MEIS1: variants seen among roughly 807,000 people sequenced by gnomAD.
MEIS1 encodes the protein homeobox protein Meis1.
Under a neutral mutation model 50.8 loss-of-function variants are expected in MEIS1, and 5 were observed. That is an observed-to-expected ratio of 0.10 (90% CI 0.05 to 0.21). The LOEUF (loss-of-function observed/expected upper bound fraction) is 0.21, where lower values mean the gene tolerates loss of function less well. MEIS1 is among the 10% of genes least tolerant of loss of function. The pLI is 1.00. For missense variants in MEIS1, 318 were observed against 517.3 expected, an observed-to-expected ratio of 0.61 and a Z score of 3.74; for synonymous variants, 176 against 179.3, an observed-to-expected ratio of 0.98 and a Z score of 0.15.
At chr2:66,477,886 A>C (rs112009966) in intron 7 of MEIS1, among the ~76,000 whole-genome samples, 3,145 of 152,342 alleles carry the variant, frequency 0.021, 41 homozygotes, top group Middle Eastern at 0.075. Flanking sequence ...ACTTAATAGA[A>C]TGCAGGATTA....
At chr2:66,536,742 G>T (rs1674528325) in intron 8 of MEIS1, among the ~76,000 whole-genome samples, 1 of 152,182 alleles carries the variant, frequency 6.6e-6, no homozygotes. Context: ...GGTGGAAAAT[G>T]TCTAAAACGA....
chr2:66,443,812 G>C (rs1252350368), intron 6 of MEIS1: 2 of 152,638 alleles, frequency 1.3e-5, no homozygotes, highest in Admixed American at 1.3e-4. Flanking sequence ...CCTGGGTAAG[G>C]AGTGTGGGGG....
chr2:66,563,330 T>C (rs989492633), intron 9 of MEIS1, among the ~76,000 whole-genome samples: 1 of 152,186 alleles, frequency 6.6e-6, no homozygotes, highest in East Asian at 1.9e-4. Flanking sequence ...TTTGTCATTC[T>C]TTTTTATATT....
At chr2:66,461,107 G>A (rs1193664718) in intron 6 of MEIS1, among the ~76,000 whole-genome samples, 1 of 152,102 alleles carries the variant, frequency 6.6e-6, no homozygotes, top group Non-Finnish European at 1.5e-5. Flanking sequence ...TTTATCTAAT[G>A]CCATGCATTC....
intron 8 of MEIS1, among the ~76,000 whole-genome samples, chr2:66,519,960 A>G (rs937469282): frequency 2.0e-5 from 3 of 152,058 alleles, no homozygotes; most frequent in Non-Finnish European, 4.4e-5. Context: ...TGTTTCCACA[A>G]TTACCTTTGT....
intron 8 of MEIS1, among the ~76,000 whole-genome samples, chr2:66,521,876 T>C (rs1337658845): frequency 6.6e-6 from 1 of 152,146 alleles, no homozygotes; most frequent in East Asian, 1.9e-4. Flanking sequence ...TACAAAGCAA[T>C]ACCTTTAATT....
chr2:66,481,374 G>A (rs570172391), intron 7 of MEIS1, among the ~76,000 whole-genome samples: 2 of 152,202 alleles, frequency 1.3e-5, no homozygotes, highest in East Asian at 1.9e-4. Context: ...GATGGATGAC[G>A]TGGCATTTCT....
chr2:66,563,848 G>C (rs531376841), intron 9 of MEIS1, among the ~76,000 whole-genome samples: 2 of 152,318 alleles, frequency 1.3e-5, no homozygotes, highest in African/African-American at 4.8e-5. Context: ...TCCAAAGAGA[G>C]AGGATGTATA....
chr2:66,508,491 A>T (rs1673739335), intron 7 of MEIS1, among the ~76,000 whole-genome samples: 1 of 152,216 alleles, frequency 6.6e-6, no homozygotes, highest in Non-Finnish European at 1.5e-5. Context: ...GCCCGGTCTC[A>T]TCAGAGCCCA....
At chr2:66,533,668 C>T (rs966628809) in intron 8 of MEIS1, among the ~76,000 whole-genome samples, 3 of 152,032 alleles carry the variant, frequency 2.0e-5, no homozygotes, top group Non-Finnish European at 4.4e-5. Flanking sequence ...GGACCCATTG[C>T]GTAATTTGTG....
intron 7 of MEIS1, among the ~76,000 whole-genome samples, chr2:66,495,721 G>A (rs1262178785): frequency 1.3e-5 from 2 of 152,188 alleles, no homozygotes; most frequent in Non-Finnish European, 2.9e-5. Flanking sequence ...GCAACACAGA[G>A]CCACTGAGCA....
At position 66,568,662 on chromosome 2, in the gene MEIS1, T is replaced by C. The variant is rs754386200; in HGVS notation, c.1025-5T>C. ...ATTAAAAAACCACATTCTGTACTTT[T>C]GTAGTAAGTCAAGGAACACCTTATA... is the stretch of plus-strand genomic sequence containing the variant. On this transcript the variant is annotated splice_polypyrimidine_tract_variant and splice_region_variant and intron_variant, in intron 10 of 12. Transcript: ENST00000272369. 3 of 1,612,498 alleles carry C rather than the reference T, an allele frequency of 1.9e-6. No individual in the cohort carries two copies. The highest frequency in any genetic ancestry group is 1.3e-5 in the African/African-American group (1 of 74,908).
At chr2:66,559,584 C>T (rs990042894) in intron 9 of MEIS1, among the ~76,000 whole-genome samples, 32 of 152,234 alleles carry the variant, frequency 2.1e-4, no homozygotes, top group Middle Eastern at 3.4e-3. Context: ...AAGAGAGACA[C>T]TTCTGTTCTT....
intron 6 of MEIS1, among the ~76,000 whole-genome samples, chr2:66,453,600 C>T (rs950517646): frequency 6.6e-5 from 10 of 151,858 alleles, no homozygotes; most frequent in African/African-American, 9.7e-5. Context: ...TGTCAGTGGG[C>T]TTAAAGATGC....
chr2:66,507,616 ACT>A (rs1673713979), intron 7 of MEIS1, among the ~76,000 whole-genome samples: 2 of 152,040 alleles, frequency 1.3e-5, no homozygotes, highest in South Asian at 4.2e-4. Flanking sequence ...TTGTTGCTTC[ACT>A]CTGAGTAGGT....
chr2:66,485,306 C>CAT (rs1205992956), intron 7 of MEIS1, among the ~76,000 whole-genome samples: 1 of 152,112 alleles, frequency 6.6e-6, no homozygotes, highest in Non-Finnish European at 1.5e-5. Flanking sequence ...TCCCTGTGCC[C>CAT]ATATGTTCTC....
intron 7 of MEIS1, among the ~76,000 whole-genome samples, chr2:66,483,549 CT>C (rs1170085515): frequency 6.6e-6 from 1 of 152,184 alleles, no homozygotes; most frequent in African/African-American, 2.4e-5. Flanking sequence ...ATAGGACTCC[CT>C]TCCACTGTCC....
At position 66,525,665 on chromosome 2, in the gene MEIS1, G is replaced by C. The variant is rs114947399; in HGVS notation, c.888+13371G>C. ...ACTCTGAAAGCTTCTGATAGACGCA[G>C]GGCTCTGCAGAAAGACAGACTGTTT... On this transcript the variant is annotated intron_variant, in intron 8 of 12. Transcript: ENST00000272369. Among the ~76,000 whole-genome samples the C allele has an allele frequency of 9.5e-3, 1,454 of 152,326 alleles. 11 individuals carry two copies. Among genetic ancestry groups the C allele is most frequent in the South Asian group, 0.039 (186 of 4,824 alleles).
intron 1 of MEIS1, chr2:66,437,041 T>G (rs1489588028): frequency 2.4e-6 from 2 of 831,648 alleles, no homozygotes; most frequent in East Asian, 2.5e-4. Flanking sequence ...ATAGATTTTC[T>G]TTAACTTTGG....
Sources: gnomAD v4.1 joint callset for allele counts (sites outside exome capture counted in the v4.1 genomes callset) on GRCh38, gnomAD v4.1.1 for gene constraint, MANE v1.5 for transcripts, NCBI Gene and HGNC (gene_info 2026-07-23, HGNC 2026-07-21) for gene names.